ASIC2: variants seen among roughly 807,000 people sequenced by gnomAD.
The protein encoded by ASIC2 is acid-sensing ion channel 2.
In ASIC2, 25 loss-of-function variants were observed where a neutral mutation model predicts 57.3. That is an observed-to-expected ratio of 0.44 (90% CI 0.32 to 0.61). The LOEUF is 0.61. Ranked by LOEUF, ASIC2 falls within the 20% of genes least tolerant of loss-of-function variation. The pLI is 0.06. For missense variants in ASIC2, 641 were observed against 738.1 expected (o/e 0.87, Z 1.52); for synonymous variants, 319 against 307.5 (o/e 1.04, Z -0.39).
chr17:33,360,770 C>A (rs1260002597), intron 1 of ASIC2, among the ~76,000 whole-genome samples: 1 of 152,194 alleles, frequency 6.6e-6, no homozygotes, highest in African/African-American at 2.4e-5. Context: ...TATAGAAGAT[C>A]TATGGCTACT....
chr17:33,873,609 T>C (rs1356998068), intron 1 of ASIC2, among the ~76,000 whole-genome samples: 1 of 152,180 alleles, frequency 6.6e-6, no homozygotes, highest in Admixed American at 6.5e-5. Flanking sequence ...AATTGGGTAA[T>C]AATATAGATT....
chr17:33,703,380 C>T (rs1272037619), intron 1 of ASIC2, among the ~76,000 whole-genome samples: 1 of 151,174 alleles, frequency 6.6e-6, no homozygotes, highest in Admixed American at 6.6e-5. Context: ...CAAGGTCTGG[C>T]TCTGTCACCC....
intron 1 of ASIC2, among the ~76,000 whole-genome samples, chr17:33,979,758 A>G (rs976046878): frequency 6.6e-6 from 1 of 152,240 alleles, no homozygotes; most frequent in Non-Finnish European, 1.5e-5. Flanking sequence ...GACATCACTT[A>G]TAAGTGGCCA....
intron 1 of ASIC2, among the ~76,000 whole-genome samples, chr17:33,784,409 A>T (rs1176563852): frequency 6.6e-6 from 1 of 152,180 alleles, no homozygotes; most frequent in Non-Finnish European, 1.5e-5. Context: ...AGTGAATGTG[A>T]TGGTGAACCA....
chr17:33,412,925 G>A (rs760154025), intron 1 of ASIC2, among the ~76,000 whole-genome samples: 11 of 152,158 alleles, frequency 7.2e-5, no homozygotes, highest in African/African-American at 1.9e-4. Context: ...TGAGAAGAGC[G>A]TGCAAGGAAC....
intron 1 of ASIC2, among the ~76,000 whole-genome samples, chr17:33,153,074 G>A (rs917973832): frequency 3.3e-5 from 5 of 152,236 alleles, no homozygotes; most frequent in African/African-American, 9.6e-5. Flanking sequence ...TTTGAGGCTC[G>A]TAAAGCTCTT....
intron 1 of ASIC2, among the ~76,000 whole-genome samples, chr17:33,622,098 C>T (rs1249623338): frequency 1.3e-5 from 2 of 151,884 alleles, no homozygotes; most frequent in Non-Finnish European, 2.9e-5. Flanking sequence ...AATAAATACT[C>T]TTCAGGATCC....
intron 1 of ASIC2, among the ~76,000 whole-genome samples, chr17:33,387,421 C>A (rs567289400): frequency 7.7e-4 from 118 of 152,304 alleles, no homozygotes; most frequent in African/African-American, 2.7e-3. Context: ...TCCTTCTCAA[C>A]CAGGGAGTTA....
intron 1 of ASIC2, among the ~76,000 whole-genome samples, chr17:33,455,134 C>T (rs947423633): frequency 1.1e-4 from 16 of 152,222 alleles, no homozygotes; most frequent in African/African-American, 3.9e-4. Flanking sequence ...TACAGGATAG[C>T]ACTGTGCCAC....
At chr17:34,046,210 CT>C in intron 1 of ASIC2, among the ~76,000 whole-genome samples, 1 of 152,208 alleles carries the variant, frequency 6.6e-6, no homozygotes, top group Non-Finnish European at 1.5e-5. Flanking sequence ...CAGCTGAGCC[CT>C]AACCAATTTA....
chr17:33,726,840 T>G (rs1328090885), intron 1 of ASIC2, among the ~76,000 whole-genome samples: 1 of 152,346 alleles, frequency 6.6e-6, no homozygotes, highest in East Asian at 1.9e-4. Flanking sequence ...CTCCTTCTGA[T>G]CTGATTATAG....
intron 1 of ASIC2, among the ~76,000 whole-genome samples, chr17:33,351,675 C>T (rs1198828539): frequency 6.6e-6 from 1 of 152,252 alleles, no homozygotes; most frequent in African/African-American, 2.4e-5. Context: ...TGGTGCCTGT[C>T]GAAATGCATT....
chr17:34,071,557 C>CG (rs1475618395), intron 1 of ASIC2: 1 of 152,192 alleles, frequency 6.6e-6, no homozygotes, highest in Admixed American at 6.5e-5. Flanking sequence ...TAGCCGGGCT[C>CG]GGTGGCTCAC....
chr17:33,609,771 A>G (rs1905337509), intron 1 of ASIC2, among the ~76,000 whole-genome samples: 1 of 152,126 alleles, frequency 6.6e-6, no homozygotes, highest in Non-Finnish European at 1.5e-5. Flanking sequence ...AAGAAAGGAG[A>G]GGGAGAAGAA....
intron 1 of ASIC2, among the ~76,000 whole-genome samples, chr17:33,697,008 G>A (rs917724082): frequency 1.3e-5 from 2 of 152,044 alleles, no homozygotes; most frequent in African/African-American, 4.8e-5. Context: ...CATTCCTCTT[G>A]ATACTGTCCT....
At chr17:33,648,764 A>G (rs1906828748) in intron 1 of ASIC2, among the ~76,000 whole-genome samples, 1 of 152,262 alleles carries the variant, frequency 6.6e-6, no homozygotes, top group Admixed American at 6.5e-5. Context: ...ACTGTGGTCT[A>G]TAAAACTATT....
intron 1 of ASIC2, among the ~76,000 whole-genome samples, chr17:33,355,326 C>T (rs1180848989): frequency 2.0e-5 from 3 of 152,020 alleles, no homozygotes; most frequent in South Asian, 2.1e-4. Context: ...CACAAGACTC[C>T]GTTTCAAAAA....
chr17:33,079,505 GGA>G (rs2092103581), intron 3 of ASIC2, among the ~76,000 whole-genome samples: 1 of 152,148 alleles, frequency 6.6e-6, no homozygotes. Flanking sequence ...GAGCCAGACT[GGA>G]GAGGTCTGTG....
chr17:33,476,398 T>C (rs942061984), intron 1 of ASIC2, among the ~76,000 whole-genome samples: 1 of 152,104 alleles, frequency 6.6e-6, no homozygotes, highest in African/African-American at 2.4e-5. Context: ...TCCACTTCCT[T>C]ATCGATGGAC....
Sources: gnomAD v4.1 joint callset for allele counts (sites outside exome capture counted in the v4.1 genomes callset) on GRCh38, gnomAD v4.1.1 for gene constraint, MANE v1.5 for transcripts, NCBI Gene and HGNC (gene_info 2026-07-23, HGNC 2026-07-21) for gene names.